SMCO4: variants seen among roughly 807,000 people sequenced by gnomAD.
SMCO4 encodes single-pass membrane protein with coiled-coil domains 4.
In SMCO4, 4 loss-of-function variants were observed where a neutral mutation model predicts 3.6. The ratio of observed to expected loss-of-function variants is 1.11; its 90% CI spans 0.54 to 2.53. The LOEUF (loss-of-function observed/expected upper bound fraction) is 2.53, where lower values mean the gene tolerates loss of function less well. Ranked by LOEUF, SMCO4 falls within the 30% of genes most tolerant of loss-of-function variation. The pLI is 0.02. For missense variants in SMCO4, 70 were observed against 80.8 expected (o/e 0.87, Z 0.51); for synonymous variants, 36 against 35.3 (o/e 1.02, Z -0.07).
At chr11:93,504,513 C>A (rs923642262) in intron 1 of SMCO4, among the ~76,000 whole-genome samples, 5 of 152,200 alleles carry the variant, frequency 3.3e-5, no homozygotes, top group African/African-American at 9.6e-5. Flanking sequence ...ACCAAAAGCA[C>A]CAGTTAATAA....
At chr11:93,492,278 C>T (rs1372559824) in intron 2 of SMCO4, among the ~76,000 whole-genome samples, 2 of 152,166 alleles carry the variant, frequency 1.3e-5, no homozygotes, top group Non-Finnish European at 2.9e-5. Context: ...TTCCTGAGCA[C>T]CTACCACGTG....
At chr11:93,526,178 A>G (rs754274352) in intron 1 of SMCO4, among the ~76,000 whole-genome samples, 1 of 152,172 alleles carries the variant, frequency 6.6e-6, no homozygotes, top group Admixed American at 6.5e-5. Context: ...AAAGGGTCCA[A>G]TGAAGAGCAA....
chr11:93,523,099 GA>G (rs1441610925), intron 1 of SMCO4, among the ~76,000 whole-genome samples: 2 of 152,166 alleles, frequency 1.3e-5, no homozygotes, highest in African/African-American at 4.8e-5. Flanking sequence ...GTGGAAAGGA[GA>G]GAGAGGAGAA....
At chr11:93,516,261 G>C (rs1180454436) in intron 1 of SMCO4, among the ~76,000 whole-genome samples, 1 of 152,216 alleles carries the variant, frequency 6.6e-6, no homozygotes, top group East Asian at 1.9e-4. Flanking sequence ...GAAGAAGGGA[G>C]AATGCCGGTC....
At chr11:93,480,894 CAG>C (rs1192678565) in intron 2 of SMCO4, among the ~76,000 whole-genome samples, 4 of 152,206 alleles carry the variant, frequency 2.6e-5, no homozygotes, top group African/African-American at 4.8e-5. Flanking sequence ...CAAAATCAGG[CAG>C]AGTTTCCTAA....
intron 2 of SMCO4, among the ~76,000 whole-genome samples, chr11:93,483,449 A>G (rs1252502620): frequency 6.6e-6 from 1 of 152,178 alleles, no homozygotes; most frequent in Non-Finnish European, 1.5e-5. Flanking sequence ...AATCTAAGAG[A>G]CATGAATGGA....
At chr11:93,517,482 T>G (rs931155677) in intron 1 of SMCO4, among the ~76,000 whole-genome samples, 1 of 152,210 alleles carries the variant, frequency 6.6e-6, no homozygotes, top group Non-Finnish European at 1.5e-5. Context: ...AAAAGAAATT[T>G]AGAGAACAAG....
intron 1 of SMCO4, among the ~76,000 whole-genome samples, chr11:93,541,549 A>G (rs1263217925): frequency 6.6e-6 from 1 of 152,076 alleles, no homozygotes; most frequent in African/African-American, 2.4e-5. Context: ...GACCAATCCA[A>G]CTCCAAGCTT....
chr11:93,524,450 T>C (rs1024355904), intron 1 of SMCO4, among the ~76,000 whole-genome samples: 2 of 152,186 alleles, frequency 1.3e-5, no homozygotes, highest in African/African-American at 4.8e-5. Context: ...AGCTATGGTA[T>C]AGAAGTATGC....
chr11:93,528,290 C>T (rs1293852930), intron 1 of SMCO4, among the ~76,000 whole-genome samples: 2 of 152,142 alleles, frequency 1.3e-5, no homozygotes, highest in East Asian at 3.8e-4. Context: ...AAAAACTTCT[C>T]ACAACATCAT....
intron 1 of SMCO4, among the ~76,000 whole-genome samples, chr11:93,510,673 C>T (rs1351125732): frequency 2.6e-5 from 4 of 152,104 alleles, no homozygotes; most frequent in African/African-American, 9.7e-5. Context: ...AGGTCCTCCA[C>T]CTCTTGATCT....
chr11:93,512,449 G>A (rs1948966228), intron 1 of SMCO4, among the ~76,000 whole-genome samples: 1 of 152,144 alleles, frequency 6.6e-6, no homozygotes. Context: ...TCACCACTCA[G>A]CCACTGACTC....
intron 2 of SMCO4, among the ~76,000 whole-genome samples, chr11:93,480,333 A>G (rs139047487): frequency 3.3e-5 from 5 of 152,254 alleles, no homozygotes; most frequent in African/African-American, 1.2e-4. Context: ...GCACTGGAGC[A>G]GGAGGTGCCG....
the SMCO4 span, among the ~76,000 whole-genome samples, chr11:93,548,792 T>G: frequency 6.6e-6 from 1 of 151,906 alleles, no homozygotes; most frequent in Non-Finnish European, 1.5e-5. Flanking sequence ...AAAATGAAAC[T>G]CTACAGGGTG....
chr11:93,532,324 G>A lies in SMCO4; in HGVS notation c.-154+10952C>T, dbSNP rs896837746. Among the ~76,000 whole-genome samples the A allele has an allele frequency of 2.0e-5, 3 of 152,352 alleles. No individual in the cohort carries two copies. The South Asian group carries it at 6.2e-4, about 32-fold the overall frequency. On this transcript the variant is annotated intron_variant, in intron 1 of 2. Coordinates refer to ENST00000298966, the MANE Select transcript of SMCO4 (RefSeq NM_020179.3). ...TAGTAAAGTACTACATCATCTGGGT[G>A]TTTCCAGAACAGACTGGTATTTGAA...
chr11:93,499,886 A>G (rs1360644456), intron 1 of SMCO4, among the ~76,000 whole-genome samples: 3 of 152,206 alleles, frequency 2.0e-5, no homozygotes, highest in African/African-American at 7.2e-5. Context: ...AGGAAGAGAG[A>G]TGTGTGACAG....
At chr11:93,514,420 AT>A (rs1948990605) in intron 1 of SMCO4, among the ~76,000 whole-genome samples, 7 of 78,348 alleles carry the variant, frequency 8.9e-5, no homozygotes, top group African/African-American at 3.0e-4. Context: ...ATATATATAT[AT>A]AAAATTTGGT....
rs1948810473 is a variant in SMCO4, at chr11:93,499,272, T to C, written c.-81+4A>G. Reference sequence around the variant, plus strand: ...ATGAGTTTCCCTTATAAGAGAATGTTTACCTTTTCTTCAACTTCAAGAATC... The same window carrying C: ...ATGAGTTTCCCTTATAAGAGAATGTCTACCTTTTCTTCAACTTCAAGAATC... On this transcript the variant is annotated splice_donor_region_variant and intron_variant, in intron 2 of 2. Transcript: ENST00000298966. 1 of 152,222 alleles carries C rather than the reference T, an allele frequency of 6.6e-6. No individual in the cohort carries two copies. The highest frequency in any genetic ancestry group is 1.5e-5 in the Non-Finnish European group (1 of 68,034). 9.4% of individuals were successfully genotyped at this position (152,222 alleles called of 1,614,324 possible).
intron 1 of SMCO4, among the ~76,000 whole-genome samples, chr11:93,537,187 C>T (rs934921764): frequency 4.6e-5 from 7 of 152,248 alleles, no homozygotes; most frequent in Non-Finnish European, 8.8e-5. Flanking sequence ...AGCAGAGCTG[C>T]TCCCAGGCAA....
Sources: allele counts gnomAD v4.1 joint callset (sites outside exome capture counted in the v4.1 genomes callset), GRCh38; gene constraint gnomAD v4.1.1; transcripts MANE v1.5; gene names NCBI Gene and HGNC (gene_info 2026-07-23, HGNC 2026-07-21).